Variants in SPEF2 observed in about 807,000 individuals in gnomAD.
SPEF2 encodes the protein sperm flagella and cilia-associated protein 2.
SPEF2 carries 187 observed loss-of-function variants against 224.6 expected under a neutral mutation model. That is an observed-to-expected ratio of 0.83 (90% CI 0.74 to 0.94). The LOEUF (loss-of-function observed/expected upper bound fraction) is 0.94, where lower values mean the gene tolerates loss of function less well. Among genes scored for constraint, SPEF2 ranks in the 40% least tolerant of loss-of-function variants. The pLI is 0.00. For synonymous variants in SPEF2, 715 were observed against 707.3 expected (o/e 1.01, Z -0.17); for missense variants, 2,170 against 2,135.6 (o/e 1.02, Z -0.32).
chr5:35,627,352 A>G (rs940391711), intron 1 of SPEF2, among the ~76,000 whole-genome samples: 3 of 152,144 alleles, frequency 2.0e-5, no homozygotes, highest in Admixed American at 6.5e-5. Flanking sequence ...CTGTAATCCC[A>G]GCACTTTGGG....
chr5:35,672,410 A>G (rs1751323122), intron 10 of SPEF2, among the ~76,000 whole-genome samples: 1 of 145,470 alleles, frequency 6.9e-6, no homozygotes, highest in African/African-American at 2.5e-5. Context: ...TTGCATTAAA[A>G]CTCCTGAACA....
In SPEF2 at chr5:35,628,190, A is replaced by T. The variant is rs1027566322; in HGVS notation, c.59-270A>T. ...TTTATAAATTTTTTGGTAGCATTTT[A>T]AAAAAAAATTTTATCTGTTGTCTTT... is the stretch of plus-strand genomic sequence containing the variant. On this transcript the variant is annotated intron_variant, in intron 1 of 36. Transcript: ENST00000356031. Among the ~76,000 whole-genome samples the T allele has an allele frequency of 3.1e-4, 45 of 143,954 alleles. 1 individual carries two copies. The highest frequency in any genetic ancestry group is 9.2e-4 in the African/African-American group (36 of 39,076). 94.4% of individuals were successfully genotyped at this position (143,954 alleles called of 152,430 possible). A position where few individuals can be genotyped will look rare whatever the true frequency, so the allele number is the denominator to read the frequency against.
intron 21 of SPEF2, among the ~76,000 whole-genome samples, chr5:35,730,463 AG>A (rs1318925493): frequency 6.6e-6 from 1 of 152,234 alleles, no homozygotes; most frequent in Non-Finnish European, 1.5e-5. Context: ...CAGGGGCCAC[AG>A]GGCCATGTGT....
intron 10 of SPEF2, among the ~76,000 whole-genome samples, chr5:35,675,289 T>C (rs1751790682): frequency 6.6e-6 from 1 of 152,162 alleles, no homozygotes; most frequent in Non-Finnish European, 1.5e-5. Flanking sequence ...TTTCTCAAGA[T>C]AGGCAATAAG....
At chr5:35,672,558 G>A (rs1048886791) in intron 10 of SPEF2, among the ~76,000 whole-genome samples, 3 of 151,298 alleles carry the variant, frequency 2.0e-5, no homozygotes, top group African/African-American at 4.8e-5. Flanking sequence ...GCTTGTATGT[G>A]GGAACATTTA....
intron 1 of SPEF2, among the ~76,000 whole-genome samples, chr5:35,619,687 CA>C (rs966678111): frequency 4.1e-5 from 6 of 147,400 alleles, no homozygotes; most frequent in Admixed American, 6.6e-5. Context: ...AAAAAACAAA[CA>C]AAAAACAAAA....
intron 33 of SPEF2, among the ~76,000 whole-genome samples, chr5:35,798,203 C>A (rs1180402057): frequency 6.6e-6 from 1 of 152,124 alleles, no homozygotes; most frequent in Non-Finnish European, 1.5e-5. Flanking sequence ...TCACAGCATC[C>A]CCCGCTCAAA....
At chr5:35,724,913 G>T (rs746827549) in intron 20 of SPEF2, among the ~76,000 whole-genome samples, 1 of 152,122 alleles carries the variant, frequency 6.6e-6, no homozygotes, top group Non-Finnish European at 1.5e-5. Flanking sequence ...GATTATAAAG[G>T]TGCTAAAATT....
At position 35,773,963 on chromosome 5, in the gene SPEF2, GA is replaced by G. The variant is rs767816369; in HGVS notation, c.4025del (p.Asn1342MetfsTer3). 6.2e-7 allele frequency: 1 copy of G among 1,613,228 alleles called. No individual in the cohort carries two copies. The highest frequency in any genetic ancestry group is 8.5e-7 in the Non-Finnish European group (1 of 1,179,552). On this transcript the variant is annotated frameshift_variant, in exon 28 of 37. Transcript: ENST00000356031. LOFTEE classifies it high-confidence loss of function. ...CAGAGGAAATTGCTGAAATCAAAAG[GA>G]AAAATGAACTGAGGGTCAAAATAAA... is the stretch of plus-strand genomic sequence containing the variant. ...TTEEIAEIKR[K>X]NELRVKIKEE...
At chr5:35,805,484 C>CA (rs1367276836) in intron 34 of SPEF2, among the ~76,000 whole-genome samples, 1 of 152,252 alleles carries the variant, frequency 6.6e-6, no homozygotes, top group Non-Finnish European at 1.5e-5. Context: ...ACAGCATTGG[C>CA]ACCCTCCTAA....
intron 24 of SPEF2, among the ~76,000 whole-genome samples, chr5:35,757,006 T>A (rs956990716): frequency 1.4e-5 from 2 of 144,598 alleles, no homozygotes; most frequent in African/African-American, 4.9e-5. Context: ...TTTTCTAAAA[T>A]TCTTTTTAAA....
intron 21 of SPEF2, among the ~76,000 whole-genome samples, chr5:35,738,788 T>C (rs1022142640): frequency 2.0e-5 from 3 of 151,950 alleles, no homozygotes; most frequent in African/African-American, 7.3e-5. Flanking sequence ...ATTTTTTCTT[T>C]GAAAATGGAT....
intron 34 of SPEF2, among the ~76,000 whole-genome samples, chr5:35,800,501 G>C (rs950844271): frequency 6.6e-6 from 1 of 152,190 alleles, no homozygotes; most frequent in African/African-American, 2.4e-5. Context: ...AGAAACTGTA[G>C]ATGAAACAAG....
chr5:35,774,373 T>G (rs1753307248), intron 28 of SPEF2, among the ~76,000 whole-genome samples: 1 of 152,050 alleles, frequency 6.6e-6, no homozygotes. Context: ...ATTTTACAGG[T>G]TTAGATAGGG....
At chr5:35,795,549 G>A (rs1756550400) in intron 32 of SPEF2, among the ~76,000 whole-genome samples, 154 bp from the exon 33 acceptor site, 2 of 152,212 alleles carry the variant, frequency 1.3e-5, no homozygotes, top group South Asian at 4.1e-4. Flanking sequence ...GTAAATGGAA[G>A]TTCTAGTATT....
At chr5:35,629,998 GGACCC>G (rs1261349421) in intron 2 of SPEF2, among the ~76,000 whole-genome samples, 2 of 152,076 alleles carry the variant, frequency 1.3e-5, no homozygotes, top group Non-Finnish European at 2.9e-5. Flanking sequence ...ATTGGTTCCT[GGACCC>G]TCTACAGATA....
At chr5:35,774,242 T>G (rs1163880283) in intron 28 of SPEF2, among the ~76,000 whole-genome samples, 1 of 152,170 alleles carries the variant, frequency 6.6e-6, no homozygotes, top group East Asian at 1.9e-4. Context: ...CTAATCAGTC[T>G]TAACTGATGA....
chr5:35,673,922 G>C (rs1201422938), intron 10 of SPEF2, among the ~76,000 whole-genome samples: 2 of 151,956 alleles, frequency 1.3e-5, no homozygotes, highest in Admixed American at 6.6e-5. Context: ...ATTACCACCA[G>C]GTCTTTTTCC....
At chr5:35,754,481 T>C (rs1309266714) in intron 24 of SPEF2, among the ~76,000 whole-genome samples, 1 of 152,074 alleles carries the variant, frequency 6.6e-6, no homozygotes, top group Non-Finnish European at 1.5e-5. Context: ...TCACAGGAGG[T>C]AGTTTTAGGA....
Sources: gnomAD v4.1 joint callset for allele counts (sites outside exome capture counted in the v4.1 genomes callset) on GRCh38, gnomAD v4.1.1 for gene constraint, MANE v1.5 for transcripts, NCBI Gene and HGNC (gene_info 2026-07-23, HGNC 2026-07-21) for gene names.